The following OXR1 variants were observed in gnomAD, a reference collection of about 807,000 sequenced individuals.
OXR1 encodes oxidation resistance protein 1.
Under a neutral mutation model 104.6 loss-of-function variants are expected in OXR1, and 41 were observed. The ratio of observed to expected loss-of-function variants is 0.39; its 90% CI spans 0.31 to 0.51. The LOEUF (loss-of-function observed/expected upper bound fraction) is 0.51. Ranked by LOEUF, OXR1 falls within the 20% of genes least tolerant of loss-of-function variation. OXR1 has a pLI of 0.77. For synonymous variants in OXR1, 348 were observed against 348.4 expected (o/e 1.00, Z 0.01); for missense variants, 955 against 1,031.9 (o/e 0.93, Z 1.02).
chr8:106,706,467 C>G lies in OXR1; in HGVS notation c.946C>G (p.Arg316Gly). The G allele has an allele frequency of 6.3e-7, 1 of 1,592,508 alleles. No homozygotes were observed. The highest frequency in any genetic ancestry group is 8.5e-7 in the Non-Finnish European group (1 of 1,174,022). The change falls in exon 9 of 17, where the codon CGA becomes GGA. Residue 316 changes from arginine (R) to glycine (G), a missense_variant. Physicochemically the swap from Arg to Gly is moderately radical, Grantham distance 125. This residue lies in a region of OXR1 where 849 missense variants were observed against 852.9 expected (regional missense o/e 1.00). Transcript: ENST00000517566. ...CACTGAGGAAATAGACTCAAGAATC[C>G]GAGATGCAGGTAATGATAGTGCCAG... ...SNTEEIDSRI[R>G]DAGNDSASTA... is the part of the protein sequence containing the mutation.
chr8:106,410,753 G>A (rs900126495), intron 2 of OXR1, among the ~76,000 whole-genome samples: 1 of 151,984 alleles, frequency 6.6e-6, no homozygotes, highest in African/African-American at 2.4e-5. Flanking sequence ...GTGATGGAAT[G>A]TGTATAACAA....
chr8:106,750,134 G>A (rs544759290), intron 16 of OXR1, among the ~76,000 whole-genome samples: 6 of 144,584 alleles, frequency 4.1e-5, no homozygotes, highest in Admixed American at 1.4e-4. Flanking sequence ...AAACCATACC[G>A]AAAAGATAAA....
At chr8:106,310,429 C>T (rs1621992) in intron 1 of OXR1, among the ~76,000 whole-genome samples, 45,600 of 151,994 alleles carry the variant, frequency 0.3, 7,143 homozygotes, top group East Asian at 0.56. Context: ...AATTCTGCTG[C>T]GCCACTGTCA....
intron 1 of OXR1, among the ~76,000 whole-genome samples, chr8:106,332,349 G>A (rs1383230256): frequency 6.6e-6 from 1 of 152,042 alleles, no homozygotes; most frequent in Non-Finnish European, 1.5e-5. Flanking sequence ...ATCTTGTTAT[G>A]TATATTTAAG....
intron 3 of OXR1, among the ~76,000 whole-genome samples, chr8:106,570,450 G>A (rs1414413721): frequency 1.3e-5 from 2 of 152,162 alleles, no homozygotes; most frequent in African/African-American, 4.8e-5. Context: ...GAGTGATAGG[G>A]TGAAATTGGA....
At chr8:106,611,094 C>T (rs183602655) in intron 3 of OXR1, among the ~76,000 whole-genome samples, 39 of 152,116 alleles carry the variant, frequency 2.6e-4, no homozygotes, top group African/African-American at 7.2e-4. Context: ...ATAAGTGGTA[C>T]GAAGAAGAAA....
chr8:106,449,481 T>A (rs1286064025), intron 2 of OXR1, among the ~76,000 whole-genome samples: 1 of 152,216 alleles, frequency 6.6e-6, no homozygotes, highest in Non-Finnish European at 1.5e-5. Context: ...CTGTATGCTT[T>A]GCCTGTGTTA....
chr8:106,601,837 T>G (rs1253670900), intron 3 of OXR1, among the ~76,000 whole-genome samples: 3 of 152,190 alleles, frequency 2.0e-5, no homozygotes, highest in Non-Finnish European at 4.4e-5. Flanking sequence ...TTATATTAAG[T>G]TTTTTAAGGA....
At chr8:106,327,288 A>AG (rs1417868875) in intron 1 of OXR1, among the ~76,000 whole-genome samples, 1 of 152,200 alleles carries the variant, frequency 6.6e-6, no homozygotes, top group Non-Finnish European at 1.5e-5. Context: ...GTTTGAACCA[A>AG]GAAAAAGTTA....
At chr8:106,432,805 C>T (rs74995533) in intron 2 of OXR1, among the ~76,000 whole-genome samples, 3,189 of 152,050 alleles carry the variant, frequency 0.021, 64 homozygotes, top group East Asian at 0.083. Context: ...GTTTTGGGGC[C>T]TAGAACAATA....
At chr8:106,710,973 C>G (rs1167245189) in intron 10 of OXR1, among the ~76,000 whole-genome samples, 183 bp downstream of exon 10, 1 of 151,988 alleles carries the variant, frequency 6.6e-6, no homozygotes, top group African/African-American at 2.4e-5. Flanking sequence ...ATTGCATTCC[C>G]TTTTGTAGTT....
intron 2 of OXR1, among the ~76,000 whole-genome samples, chr8:106,379,582 C>T (rs1425370031): frequency 7.5e-5 from 11 of 147,538 alleles, no homozygotes; most frequent in East Asian, 5.9e-4. Context: ...TCTGTCACCC[C>T]GACTAGAGGG....
intron 1 of OXR1, among the ~76,000 whole-genome samples, chr8:106,356,423 C>A (rs948819105): frequency 6.6e-6 from 1 of 152,146 alleles, no homozygotes; most frequent in Non-Finnish European, 1.5e-5. Context: ...CTATCTTGGT[C>A]AACTCTTCAG....
intron 3 of OXR1, among the ~76,000 whole-genome samples, chr8:106,581,957 G>A (rs1180483913): frequency 2.8e-5 from 4 of 144,308 alleles, no homozygotes; most frequent in African/African-American, 5.1e-5. Context: ...GTGGGAGGTG[G>A]AGGTTGCAGT....
intron 3 of OXR1, among the ~76,000 whole-genome samples, chr8:106,647,868 G>T (rs1258054761): frequency 1.3e-5 from 2 of 151,986 alleles, no homozygotes; most frequent in African/African-American, 2.4e-5. Flanking sequence ...TTTTCATTTT[G>T]TTCTTTTAAG....
intron 2 of OXR1, among the ~76,000 whole-genome samples, chr8:106,458,708 C>T (rs73309252): frequency 0.024 from 3,704 of 152,132 alleles, 149 homozygotes; most frequent in African/African-American, 0.083. Context: ...GGTGGGACTG[C>T]CTGAGGCCTT....
chr8:106,292,104 G>T (rs1044012135), intron 1 of OXR1, among the ~76,000 whole-genome samples: 3 of 152,138 alleles, frequency 2.0e-5, no homozygotes, highest in Non-Finnish European at 4.4e-5. Flanking sequence ...GCGTATCCAT[G>T]CTATAGATCC....
chr8:106,554,066 T>C (rs1468818784), intron 3 of OXR1, among the ~76,000 whole-genome samples: 1 of 152,202 alleles, frequency 6.6e-6, no homozygotes, highest in Non-Finnish European at 1.5e-5. Context: ...TGAGTTACCA[T>C]GGGTTGCTGG....
chr8:106,732,759 T>A (rs565316886), intron 11 of OXR1, among the ~76,000 whole-genome samples: 57 of 152,280 alleles, frequency 3.7e-4, no homozygotes, highest in African/African-American at 1.3e-3. Context: ...TTCTGTACAT[T>A]TGTACATTGC....
Sources: gnomAD v4.1 joint callset for allele counts (sites outside exome capture counted in the v4.1 genomes callset) on GRCh38, gnomAD v4.1.1 for gene constraint, gnomAD v4.1.1 regional missense constraint, MANE v1.5 for transcripts, NCBI Gene and HGNC (gene_info 2026-07-23, HGNC 2026-07-21) for gene names.